The following LARS1 variants were observed in gnomAD, a reference collection of about 807,000 sequenced individuals.
LARS1 encodes leucyl-tRNA synthetase 1.
A neutral mutation model predicts 162.8 loss-of-function variants in LARS1; 100 were observed. The ratio of observed to expected loss-of-function variants is 0.61; its 90% CI spans 0.52 to 0.73. The LOEUF is 0.73. LARS1 is among the 30% of genes least tolerant of loss of function. The pLI, the probability that LARS1 is intolerant of heterozygous loss-of-function variation, is 0.00. For synonymous variants in LARS1, 457 were observed against 462.8 expected, an observed-to-expected ratio of 0.99 and a Z score of 0.16; for missense variants, 1,258 against 1,408.9, an observed-to-expected ratio of 0.89 and a Z score of 1.71.
At chr5:146,154,047 G>C (rs1753414543) in intron 10 of LARS1, 67 bp from the exon 11 acceptor site, 8 of 1,143,604 alleles carry the variant, frequency 7.0e-6, no homozygotes, top group Non-Finnish European at 1.0e-5. Context: ...TTAAAACTAT[G>C]TTAATATTTT....
intron 5 of LARS1, among the ~76,000 whole-genome samples, chr5:146,165,987 T>C (rs757135798): frequency 2.2e-4 from 33 of 152,272 alleles, no homozygotes; most frequent in Admixed American, 3.3e-4. Flanking sequence ...TGTTTTTTAA[T>C]AAACATTCAA....
At chr5:146,151,261 T>C (rs1279855838) in intron 14 of LARS1, among the ~76,000 whole-genome samples, 1 of 152,196 alleles carries the variant, frequency 6.6e-6, no homozygotes, top group East Asian at 1.9e-4. Context: ...CAGAAAAATG[T>C]AGGAAAGCTA....
chr5:146,115,558 A>G (rs1764168942), intron 31 of LARS1, among the ~76,000 whole-genome samples: 1 of 141,712 alleles, frequency 7.1e-6, no homozygotes, highest in Non-Finnish European at 1.5e-5. Flanking sequence ...GCTCTTATGC[A>G]AGCTGAAAAA....
intron 20 of LARS1, 183 bp downstream of exon 20, chr5:146,142,689 G>T: frequency 1.8e-6 from 1 of 546,038 alleles, no homozygotes; most frequent in Non-Finnish European, 3.2e-6. Context: ...GTAGGTATGT[G>T]GATTTCTGGA....
At chr5:146,133,830 T>C (rs1752395370) in intron 22 of LARS1, among the ~76,000 whole-genome samples, 2 of 152,090 alleles carry the variant, frequency 1.3e-5, no homozygotes, top group African/African-American at 4.8e-5. Context: ...AACCCATACA[T>C]ACACATATCT....
chr5:146,170,312 C>A (rs1161223605), intron 4 of LARS1, among the ~76,000 whole-genome samples: 7 of 151,938 alleles, frequency 4.6e-5, no homozygotes, highest in African/African-American at 1.7e-4. Flanking sequence ...ACTAAAAATA[C>A]AAAAAACATT....
At chr5:146,145,685 C>T (rs1338237543) in intron 15 of LARS1, among the ~76,000 whole-genome samples, 1 of 152,138 alleles carries the variant, frequency 6.6e-6, no homozygotes, top group African/African-American at 2.4e-5. Flanking sequence ...TAAAATCCAG[C>T]ATTATTATTC....
chr5:146,149,513 T>C lies in LARS1; in HGVS notation c.1503+109A>G, dbSNP rs941709608. ...TATTTTCTGCCGCAAAACTGTATGA[T>C]ATTTTTATTATAGCTCCAGGTTCTA... On this transcript the variant is annotated intron_variant, in intron 15 of 31. Coordinates refer to ENST00000394434, the MANE Select transcript of LARS1 (RefSeq NM_020117.11). 77 of 782,726 alleles carry C rather than the reference T, an allele frequency of 9.8e-5. No individual in the cohort carries two copies. The Middle Eastern group carries it at 2.2e-3, about 23-fold the overall frequency. 48.5% of individuals were successfully genotyped at this position (782,726 alleles called of 1,614,324 possible).
chr5:146,143,573 T>C, intron 18 of LARS1, 23 bp from the exon 19 acceptor site: 1 of 1,609,156 alleles, frequency 6.2e-7, no homozygotes. Context: ...AAGTAACGCA[T>C]GAGGAACCTG....
intron 4 of LARS1, among the ~76,000 whole-genome samples, chr5:146,170,695 GAA>G (rs1461867463): frequency 1.3e-5 from 2 of 151,912 alleles, no homozygotes; most frequent in Non-Finnish European, 2.9e-5. Flanking sequence ...AAAGTTCACA[GAA>G]AAAGAGAGAG....
intron 27 of LARS1, among the ~76,000 whole-genome samples, chr5:146,127,875 G>C (rs979219567): frequency 4.6e-5 from 7 of 152,080 alleles, no homozygotes; most frequent in African/African-American, 1.7e-4. Context: ...GAAAAGTGTT[G>C]AGGCAAAATT....
intron 15 of LARS1, among the ~76,000 whole-genome samples, chr5:146,148,329 C>A (rs1010440308): frequency 3.9e-5 from 6 of 152,150 alleles, no homozygotes; most frequent in Non-Finnish European, 1.5e-5. Context: ...AGCCAGAAAG[C>A]GCTGGAAGAG....
At chr5:146,157,213 T>C (rs1482273821) in intron 10 of LARS1, among the ~76,000 whole-genome samples, 190 bp downstream of exon 10, 2 of 152,192 alleles carry the variant, frequency 1.3e-5, no homozygotes, top group African/African-American at 4.8e-5. Flanking sequence ...AACTGTTCTA[T>C]ATCTTGATTT....
At chr5:146,120,788 T>C (rs547320646) in intron 30 of LARS1, among the ~76,000 whole-genome samples, 2 of 152,298 alleles carry the variant, frequency 1.3e-5, no homozygotes, top group Admixed American at 6.5e-5. Flanking sequence ...ATCTCTACTA[T>C]GTATTAGGCA....
At chr5:146,139,785 G>C (rs1490544077) in intron 21 of LARS1, 1 of 23,940 alleles carries the variant, frequency 4.2e-5, no homozygotes, top group East Asian at 5.2e-3. Flanking sequence ...TGAGGCAGGA[G>C]AATGGCGTGA....
At chr5:146,131,486 G>GGTTTTTTTTTTTTTTT (rs1561802916) in intron 23 of LARS1, 5 of 119,458 alleles carry the variant, frequency 4.2e-5, no homozygotes, top group South Asian at 2.6e-4. Flanking sequence ...TTGTAGCCAA[G>GGTTTTTTTTTTTTTTT]TTTTTTTTTT....
intron 1 of LARS1, 39 bp downstream of exon 1, chr5:146,182,449 G>T (rs760753459): frequency 6.2e-7 from 1 of 1,613,532 alleles, no homozygotes; most frequent in Non-Finnish European, 8.5e-7. Context: ...GGCCAGTCCG[G>T]CTCCAGGGCC....
Position 146,132,909 on chromosome 5 carries a change from T to G in LARS1, c.2385A>C (p.Arg795Ser). 1.2e-6 allele frequency: 2 copies of G among 1,612,718 alleles called. No individual in the cohort carries two copies. The highest frequency in any genetic ancestry group is 2.7e-5 in the African/African-American group (2 of 74,896). Residue 795 changes from arginine (R) to serine (S), a missense_variant, in exon 23 of 32, where the codon AGA becomes AGC. By Grantham distance (110) the Arg-to-Ser change is moderately radical. Transcript: ENST00000394434. ...RSGPASTFND[R>S]VFASELNAGI... The stretch of plus-strand genomic sequence containing the variant: ...GATCTACAGATTACCTGGCAAAAAC[T>G]CTATCATTGAAAGTGCTGGCAGGAC...
intron 1 of LARS1, among the ~76,000 whole-genome samples, chr5:146,181,875 T>TTTTTTTTTTC (rs1754879702): frequency 1.8e-5 from 2 of 109,628 alleles, no homozygotes; most frequent in East Asian, 2.4e-4. Context: ...TTTTTTTTTT[T>TTTTTTTTTTC]TTTTGCTGTA....
Sources: allele counts gnomAD v4.1 joint callset (sites outside exome capture counted in the v4.1 genomes callset), GRCh38; gene constraint gnomAD v4.1.1; transcripts MANE v1.5; gene names NCBI Gene and HGNC (gene_info 2026-07-23, HGNC 2026-07-21).